Variants in ARMH4 observed in about 807,000 individuals in gnomAD.
ARMH4 encodes armadillo-like helical domain-containing protein 4.
ARMH4 carries 49 observed loss-of-function variants against 61.9 expected under a neutral mutation model. That is an observed-to-expected ratio of 0.79 (90% CI 0.63 to 1.00). The LOEUF is 1.00. ARMH4 is among the 50% of genes least tolerant of loss of function. The probability of loss-of-function intolerance (pLI) is 0.00; values close to 1 mark genes in which losing one functional copy is unlikely to be tolerated. For missense variants in ARMH4, 934 were observed against 930.0 expected, an observed-to-expected ratio of 1.00 and a Z score of -0.06; for synonymous variants, 368 against 341.5, an observed-to-expected ratio of 1.08 and a Z score of -0.85.
chr14:58,147,438 C>T (rs1001044724), intron 1 of ARMH4, among the ~76,000 whole-genome samples: 1 of 151,986 alleles, frequency 6.6e-6, no homozygotes, highest in African/African-American at 2.4e-5. Flanking sequence ...CCTCAGCCTC[C>T]TGAGTAGCTG....
At position 58,138,591 on chromosome 14, in the gene ARMH4, C is replaced by T. The variant is rs1028541184; in HGVS notation, c.768G>A (p.Lys256=). ...EPGSLTPDKE[K]PSQMTADNTQ... ...TGTTATCAGCTGTCATCTGCGAAGG[C>T]TTCTCCTTATCAGGGGTGAGGCTTC... The change falls in exon 2 of 8, where the codon AAG becomes AAA. Residue 256 remains lysine, a synonymous_variant. Coordinates refer to ENST00000267485, the MANE Select transcript of ARMH4 (RefSeq NM_001001872.4). The T allele has an allele frequency of 1.2e-6, 2 of 1,614,198 alleles. No homozygotes were observed. Among genetic ancestry groups the T allele is most frequent in the Non-Finnish European group, 1.7e-6 (2 of 1,180,038 alleles).
chr14:58,036,584 T>C (rs1427121784), intron 5 of ARMH4, among the ~76,000 whole-genome samples: 1 of 118,270 alleles, frequency 8.5e-6, no homozygotes, highest in African/African-American at 3.1e-5. Context: ...TAAAGGGTAT[T>C]CAATTAGGAA....
rs747954144 is a variant in ARMH4 at position 58,096,920 on chromosome 14, C to T, written c.1893G>A (p.Glu631=). ...EEDEDEEEED[E]EEDEEDKDAD... ...CATCTTTATCTTCCTCATCTTCTTC[C>T]TCATCTTCCTCTTCTTCATCTTCAT... is the stretch of plus-strand genomic sequence containing the variant. The change falls in exon 5 of 8, where the codon GAG becomes GAA. Residue 631 remains glutamate (E), a synonymous_variant. Coordinates refer to ENST00000267485, the MANE Select transcript of ARMH4 (RefSeq NM_001001872.4). 2 of 1,614,024 alleles carry T rather than the reference C, an allele frequency of 1.2e-6. No individual in the cohort carries two copies. Among genetic ancestry groups the T allele is most frequent in the Admixed American group, 1.7e-5 (1 of 60,000 alleles).
intron 4 of ARMH4, among the ~76,000 whole-genome samples, chr14:58,108,116 G>A (rs539151579): frequency 2.0e-5 from 3 of 152,042 alleles, no homozygotes; most frequent in East Asian, 1.9e-4. Context: ...TATTAAATTC[G>A]TCTTGAGGAT....
rs774679498 is a variant in ARMH4 at position 58,139,405 on chromosome 14, T to C, written c.-47A>G. On this transcript the variant is annotated 5_prime_UTR_variant, in exon 2 of 8. Transcript: ENST00000267485. ...ACACTGGCAGAGTTGACAAGTCCAG[T>C]AATTGAATCCTGCAGAAAAATAAAG... 219 of 1,565,204 alleles carry C rather than the reference T, an allele frequency of 1.4e-4. 1 individual carries two copies. Among genetic ancestry groups the C allele is most frequent in the South Asian group, 1.1e-5 (1 of 89,900 alleles).
intron 5 of ARMH4, among the ~76,000 whole-genome samples, chr14:58,021,715 G>A (rs961387945): frequency 6.6e-6 from 1 of 152,296 alleles, no homozygotes; most frequent in Admixed American, 6.5e-5. Flanking sequence ...AGAGGAGAAA[G>A]GGCCAGGAGA....
chr14:58,097,899 G>A (rs890551276), intron 4 of ARMH4, among the ~76,000 whole-genome samples: 2 of 151,922 alleles, frequency 1.3e-5, no homozygotes, highest in Non-Finnish European at 2.9e-5. Flanking sequence ...TGCTCCAAGT[G>A]GAGTGGGTTT....
At chr14:58,083,769 A>G (rs1186846806) in intron 5 of ARMH4, among the ~76,000 whole-genome samples, 1 of 152,158 alleles carries the variant, frequency 6.6e-6, no homozygotes, top group Non-Finnish European at 1.5e-5. Context: ...AAAAGGGACA[A>G]CCCTTGCTGA....
chr14:58,100,213 T>G (rs944446852), intron 4 of ARMH4, among the ~76,000 whole-genome samples: 1 of 152,132 alleles, frequency 6.6e-6, no homozygotes. Context: ...AAGAGAAATG[T>G]TGGTGGTTTG....
In ARMH4 at chr14:58,004,683, T is replaced by A; in HGVS notation, c.*53A>T. 2.2e-6 allele frequency: 3 copies of A among 1,389,242 alleles called. No homozygotes were observed. Among genetic ancestry groups the A allele is most frequent in the African/African-American group, 1.5e-5 (1 of 68,366 alleles). The allele number at this position is 1,389,242 out of a possible 1,614,324, so 86.1% of individuals were successfully genotyped here. On this transcript the variant is annotated 3_prime_UTR_variant, in exon 8 of 8. Transcript: ENST00000267485. ...TTCTTTTTTTTTTTCTGCTCCAAAA[T>A]AAAAATTAGAATAGTAGCATCGTTG...
In ARMH4 at chr14:58,020,638, T is replaced by G. The variant is rs111696782; in HGVS notation, c.2090-8488A>C. Among the ~76,000 whole-genome samples the G allele has an allele frequency of 6.0e-3, 910 of 152,274 alleles. 13 individuals are homozygous for G. Among genetic ancestry groups the G allele is most frequent in the African/African-American group, 0.02 (847 of 41,554 alleles). Reference sequence around the variant, plus strand: ...CTCTCTTTGTATATGTCTTTCTCATTCAGAGAAAATAAACTGGATCTCTTA... The same window carrying G: ...CTCTCTTTGTATATGTCTTTCTCATGCAGAGAAAATAAACTGGATCTCTTA... On this transcript the variant is annotated intron_variant, in intron 5 of 7. Coordinates refer to ENST00000267485, the MANE Select transcript of ARMH4 (RefSeq NM_001001872.4).
chr14:58,027,810 C>T (rs1221087677), intron 5 of ARMH4, among the ~76,000 whole-genome samples: 1 of 152,096 alleles, frequency 6.6e-6, no homozygotes, highest in Non-Finnish European at 1.5e-5. Flanking sequence ...ATACTTGTCC[C>T]CAAACTCATC....
At chr14:58,129,070 C>G (rs1886996953) in intron 4 of ARMH4, among the ~76,000 whole-genome samples, 1 of 152,208 alleles carries the variant, frequency 6.6e-6, no homozygotes, top group African/African-American at 2.4e-5. Context: ...TGACTTCCAA[C>G]TTGCAGGCTC....
intron 4 of ARMH4, among the ~76,000 whole-genome samples, chr14:58,118,874 G>A (rs552036233): frequency 1.3e-5 from 2 of 152,252 alleles, no homozygotes; most frequent in East Asian, 1.9e-4. Context: ...AGTTTTAATA[G>A]GAAACAGGAT....
intron 4 of ARMH4, among the ~76,000 whole-genome samples, chr14:58,109,589 C>A (rs1036981094): frequency 2.0e-5 from 3 of 152,136 alleles, no homozygotes; most frequent in Non-Finnish European, 2.9e-5. Flanking sequence ...CCTTCAATTT[C>A]TTTTTCTTCT....
intron 5 of ARMH4, among the ~76,000 whole-genome samples, chr14:58,080,573 CTG>C (rs994910979): frequency 3.3e-5 from 5 of 152,100 alleles, no homozygotes; most frequent in Admixed American, 6.5e-5. Context: ...ACAACTAACA[CTG>C]GGGACTACTA....
At chr14:58,094,822 C>T (rs1305547392) in intron 5 of ARMH4, among the ~76,000 whole-genome samples, 2 of 152,144 alleles carry the variant, frequency 1.3e-5, no homozygotes, top group African/African-American at 4.8e-5. Flanking sequence ...TGAGGAATCA[C>T]TGGTGGTGGG....
intron 5 of ARMH4, among the ~76,000 whole-genome samples, chr14:58,018,806 A>G (rs138910272): frequency 6.6e-6 from 1 of 152,200 alleles, no homozygotes; most frequent in Non-Finnish European, 1.5e-5. Flanking sequence ...AGTATGTTGA[A>G]GAGATATCTG....
chr14:58,024,462 G>A (rs1882951608), intron 5 of ARMH4, among the ~76,000 whole-genome samples: 2 of 152,058 alleles, frequency 1.3e-5, no homozygotes, highest in Non-Finnish European at 2.9e-5. Flanking sequence ...TTGGCTTAAG[G>A]GAATGTTGTG....
Sources: allele counts gnomAD v4.1 joint callset (sites outside exome capture counted in the v4.1 genomes callset), GRCh38; gene constraint gnomAD v4.1.1; transcripts MANE v1.5; gene names NCBI Gene and HGNC (gene_info 2026-07-23, HGNC 2026-07-21).